Variants in KYNU observed in about 807,000 individuals in gnomAD.
KYNU encodes the protein L-kynurenine hydrolase.
In KYNU, 54 loss-of-function variants were observed where a neutral mutation model predicts 59.2. That is an observed-to-expected ratio of 0.91 (90% CI 0.73 to 1.14). The LOEUF is 1.14. Ranked by LOEUF, KYNU falls within the 50% of genes most tolerant of loss-of-function variation. The probability of loss-of-function intolerance (pLI) is 0.00; values close to 1 mark genes in which losing one functional copy is unlikely to be tolerated. For missense variants in KYNU, 567 were observed against 554.4 expected (o/e 1.02, Z -0.23); for synonymous variants, 177 against 192.0 (o/e 0.92, Z 0.65).
At chr2:142,975,270 C>A (rs1320871371) in intron 8 of KYNU, among the ~76,000 whole-genome samples, 1 of 152,158 alleles carries the variant, frequency 6.6e-6, no homozygotes, top group African/African-American at 2.4e-5. Flanking sequence ...AAAGAGGCAG[C>A]TGGACAGTCA....
chr2:142,954,717 T>C (rs1684107235), intron 4 of KYNU, 93 bp from the exon 5 acceptor site: 2 of 831,808 alleles, frequency 2.4e-6, no homozygotes, highest in Admixed American at 1.8e-5. Context: ...TCTAAAGACA[T>C]TAAGAATGAT....
intron 10 of KYNU, among the ~76,000 whole-genome samples, chr2:143,015,049 A>G (rs1558976259): frequency 6.6e-6 from 1 of 152,112 alleles, no homozygotes; most frequent in Non-Finnish European, 1.5e-5. Context: ...GTGTGCCACC[A>G]TGCCTTGCTA....
chr2:142,942,636 A>G (rs1683641517), intron 4 of KYNU, among the ~76,000 whole-genome samples: 1 of 152,186 alleles, frequency 6.6e-6, no homozygotes, highest in Non-Finnish European at 1.5e-5. Flanking sequence ...AAGGCAGGAG[A>G]GATCAAGGCA....
At chr2:142,984,934 A>G in intron 8 of KYNU, 150 bp from the exon 9 acceptor site, 1 of 677,466 alleles carries the variant, frequency 1.5e-6, no homozygotes, top group Non-Finnish European at 2.7e-6. Context: ...GGTCCTGGGA[A>G]TTATGGATCA....
chr2:142,958,607 A>G (rs1278297874), intron 7 of KYNU, among the ~76,000 whole-genome samples: 2 of 152,210 alleles, frequency 1.3e-5, no homozygotes, highest in African/African-American at 4.8e-5. Flanking sequence ...AAGTTCTCAC[A>G]TGAGAGGATA....
intron 10 of KYNU, among the ~76,000 whole-genome samples, chr2:143,023,759 A>G (rs1686473454): frequency 6.6e-6 from 1 of 151,942 alleles, no homozygotes. Flanking sequence ...GAAAAATTTA[A>G]AACCTTAAAT....
chr2:142,917,801 T>C (rs1166644411), intron 2 of KYNU, among the ~76,000 whole-genome samples: 1 of 152,252 alleles, frequency 6.6e-6, no homozygotes, highest in Non-Finnish European at 1.5e-5. Flanking sequence ...ATGGTATGTC[T>C]TTAAAAAGTC....
chr2:143,007,019 C>T (rs1273791116), intron 10 of KYNU, among the ~76,000 whole-genome samples: 2 of 152,060 alleles, frequency 1.3e-5, no homozygotes, highest in Admixed American at 6.5e-5. Flanking sequence ...TCCAAAGGAA[C>T]GCAGTTCTTC....
At chr2:142,994,282 C>G (rs974370209) in intron 10 of KYNU, among the ~76,000 whole-genome samples, 1 of 151,990 alleles carries the variant, frequency 6.6e-6, no homozygotes, top group African/African-American at 2.4e-5. Flanking sequence ...AGTCCTGGTA[C>G]TTCCAACACT....
At chr2:142,883,891 C>G (rs1681397052) in intron 1 of KYNU, among the ~76,000 whole-genome samples, 1 of 152,126 alleles carries the variant, frequency 6.6e-6, no homozygotes, top group African/African-American at 2.4e-5. Flanking sequence ...TACTGGGAGT[C>G]ACATAATAGG....
At chr2:143,017,950 G>A (rs764486717) in intron 10 of KYNU, among the ~76,000 whole-genome samples, 2 of 150,280 alleles carry the variant, frequency 1.3e-5, no homozygotes, top group Non-Finnish European at 3.0e-5. Context: ...CATTTCTTTT[G>A]AGAAGCATCT....
intron 4 of KYNU, among the ~76,000 whole-genome samples, chr2:142,949,744 C>T (rs989532264): frequency 1.3e-5 from 2 of 152,208 alleles, no homozygotes; most frequent in Non-Finnish European, 2.9e-5. Context: ...GCCCTGGAGA[C>T]ATTTTCCCCA....
intron 8 of KYNU, among the ~76,000 whole-genome samples, chr2:142,979,299 C>A (rs1358350271): frequency 6.6e-6 from 1 of 152,136 alleles, no homozygotes; most frequent in African/African-American, 2.4e-5. Flanking sequence ...AATATTCTTA[C>A]AAATTTAACA....
chr2:142,922,251 A>T (rs1682907350), intron 3 of KYNU, among the ~76,000 whole-genome samples: 1 of 152,256 alleles, frequency 6.6e-6, no homozygotes, highest in African/African-American at 2.4e-5. Flanking sequence ...CTGTAACCCC[A>T]GGACTTTGGG....
chr2:142,911,549 C>A (rs1682480283), intron 2 of KYNU, among the ~76,000 whole-genome samples: 2 of 151,906 alleles, frequency 1.3e-5, no homozygotes, highest in Admixed American at 6.6e-5. Context: ...TTCTTTCTTT[C>A]TCTTGACTGA....
intron 2 of KYNU, among the ~76,000 whole-genome samples, chr2:142,905,454 C>G (rs186261748): frequency 3.3e-5 from 5 of 152,078 alleles, no homozygotes; most frequent in Admixed American, 6.5e-5. Flanking sequence ...CCTTGTGTCC[C>G]GAAGGGAGTT....
intron 8 of KYNU, among the ~76,000 whole-genome samples, chr2:142,975,728 C>G (rs116016567): frequency 5.3e-5 from 8 of 152,134 alleles, no homozygotes; most frequent in Non-Finnish European, 1.0e-4. Flanking sequence ...TCTGTGTTAG[C>G]CTAATTTGCA....
intron 10 of KYNU, among the ~76,000 whole-genome samples, chr2:143,001,888 C>T (rs352890): frequency 0.12 from 18,668 of 152,130 alleles, 1,310 homozygotes; most frequent in East Asian, 0.25. Context: ...TCTTAGTTTC[C>T]ATCCATTTTT....
chr2:142,899,132 T>A (rs1156479164), intron 2 of KYNU, among the ~76,000 whole-genome samples: 1 of 151,996 alleles, frequency 6.6e-6, no homozygotes, highest in Non-Finnish European at 1.5e-5. Context: ...AAAGCTCAGC[T>A]CAAGCCGTAA....
Sources: gnomAD v4.1 joint callset for allele counts (sites outside exome capture counted in the v4.1 genomes callset) on GRCh38, gnomAD v4.1.1 for gene constraint, MANE v1.5 for transcripts, NCBI Gene and HGNC (gene_info 2026-07-23, HGNC 2026-07-21) for gene names.